The following ACKR2 variants were observed in gnomAD, a reference collection of about 807,000 sequenced individuals.
ACKR2 encodes C-C chemokine receptor D6.
For synonymous variants in ACKR2, 207 were observed against 192.2 expected (o/e 1.08, Z -0.64); for missense variants, 457 against 477.3 (o/e 0.96, Z 0.40).
intron 2 of ACKR2, among the ~76,000 whole-genome samples, chr3:42,842,985 CAAAA>C (rs199716542): frequency 3.3e-4 from 27 of 80,832 alleles, no homozygotes; most frequent in Admixed American, 7.7e-4. Context: ...ACTCTGTCTC[CAAAA>C]AAAAAAAAAA....
intron 2 of ACKR2, chr3:42,841,509 C>T (rs1279134903): frequency 6.6e-6 from 1 of 152,220 alleles, no homozygotes; most frequent in East Asian, 1.9e-4. Context: ...GCCTCTGACT[C>T]CTCTCCCTTT....
At chr3:42,841,522 C>G (rs1274259122) in intron 2 of ACKR2, 1 of 152,190 alleles carries the variant, frequency 6.6e-6, no homozygotes, top group Non-Finnish European at 1.5e-5. Flanking sequence ...CTCCCTTTGC[C>G]CCTGACTATT....
chr3:42,862,234 AAAT>A (rs1352236469), intron 2 of ACKR2, among the ~76,000 whole-genome samples: 50 of 152,368 alleles, frequency 3.3e-4, no homozygotes, highest in African/African-American at 1.2e-3. Context: ...ACAGAGAGCT[AAAT>A]AATGAGTGAA....
chr3:42,827,575 C>T (rs1269881598), intron 2 of ACKR2, among the ~76,000 whole-genome samples: 1 of 152,096 alleles, frequency 6.6e-6, no homozygotes, highest in Non-Finnish European at 1.5e-5. Context: ...CATAAACTAC[C>T]TACAATGGAT....
intron 2 of ACKR2, chr3:42,851,371 C>G (rs923530389): frequency 1.0e-6 from 1 of 985,358 alleles, no homozygotes; most frequent in Non-Finnish European, 1.2e-6. Flanking sequence ...TCTGTCTGCA[C>G]TTCCCTGAGG....
At position 42,864,826 on chromosome 3, in the gene ACKR2, G is replaced by A; in HGVS notation, c.324G>A (p.Trp108Ter). 6.2e-7 allele frequency: 1 copy of A among 1,614,182 alleles called. No individual in the cohort carries two copies. Residue 108 changes from tryptophan (W) to a stop codon, truncating the protein, a stop_gained, in exon 3 of 3, where the codon TGG becomes TGA. Coordinates refer to ENST00000422265, the MANE Select transcript of ACKR2 (RefSeq NM_001296.5). LOFTEE classifies it low-confidence loss of function (END_TRUNC). ...TLPFWGISVA[W>*]HWVFGSFLCK... Reference sequence around the variant, plus strand: ...CCTTCTGGGGCATCTCCGTGGCCTGGCATTGGGTCTTCGGGAGTTTCTTGT... The same window carrying A: ...CCTTCTGGGGCATCTCCGTGGCCTGACATTGGGTCTTCGGGAGTTTCTTGT...
intron 2 of ACKR2, among the ~76,000 whole-genome samples, chr3:42,844,915 C>G (rs1207125169): frequency 6.6e-6 from 1 of 152,182 alleles, no homozygotes; most frequent in African/African-American, 2.4e-5. Flanking sequence ...CGGGCCTCCA[C>G]TTAGACATCA....
intron 2 of ACKR2, among the ~76,000 whole-genome samples, chr3:42,840,567 G>A (rs1701026854): frequency 6.6e-6 from 1 of 152,218 alleles, no homozygotes; most frequent in South Asian, 2.1e-4. Context: ...TGAGGGAACT[G>A]AGGCCTGGGT....
rs1234109595 is a variant in ACKR2, at chr3:42,866,900, A to T, written c.*1243A>T. 2 of 165,424 alleles carry T rather than the reference A, an allele frequency of 1.2e-5. No individual in the cohort carries two copies. Among genetic ancestry groups the T allele is most frequent in the East Asian group, 3.9e-4 (2 of 5,166 alleles). 10.2% of individuals were successfully genotyped at this position (165,424 alleles called of 1,614,324 possible). A position where few individuals can be genotyped will look rare whatever the true frequency, so the allele number is the denominator to read the frequency against. On this transcript the variant is annotated 3_prime_UTR_variant, in exon 3 of 3. Transcript: ENST00000422265. ...TTGATTTTTTTTTTTTTGAGACAGG[A>T]TCTCACTCTGTCATCCAGGCTGAAG...
At position 42,864,925 on chromosome 3, in the gene ACKR2, C is replaced by T; in HGVS notation, c.423C>T (p.Asp141=). The change falls in exon 3 of 3, where the codon GAC becomes GAT. Residue 141 remains aspartate (D), a synonymous_variant. Coordinates refer to ENST00000422265, the MANE Select transcript of ACKR2 (RefSeq NM_001296.5). ...TTTTCATTAGCTGCATGAGCCTGGA[C>T]AAGTACCTGGAGATCGTTCATGCTC... The part of the protein sequence containing the change: ...GIFFISCMSL[D]KYLEIVHAQP... The T allele has an allele frequency of 1.9e-6, 3 of 1,614,142 alleles. No individual in the cohort carries two copies. The highest frequency in any genetic ancestry group is 2.5e-6 in the Non-Finnish European group (3 of 1,180,040).
chr3:42,810,206 T>G (rs1315132326), intron 1 of ACKR2, among the ~76,000 whole-genome samples: 2 of 152,236 alleles, frequency 1.3e-5, no homozygotes, highest in Non-Finnish European at 1.5e-5. Flanking sequence ...CTGTTGGTAA[T>G]GCGATTAAGT....
At chr3:42,820,550 G>A (rs576681736) in intron 2 of ACKR2, among the ~76,000 whole-genome samples, 9 of 145,268 alleles carry the variant, frequency 6.2e-5, no homozygotes, top group African/African-American at 1.0e-4. Flanking sequence ...CCCAGATCAC[G>A]CCACTGCACT....
In ACKR2 at chr3:42,845,502, C is replaced by T. The variant is rs563999022; in HGVS notation, c.-37-18964C>T. The stretch of plus-strand genomic sequence containing the variant: ...TCAGCCTCCTGAACAGCTGGAACTA[C>T]AGGTGCATGGGACCATATCTGGCTA... On this transcript the variant is annotated intron_variant, in intron 2 of 2. Transcript: ENST00000422265. 3.0e-3 allele frequency among the ~76,000 whole-genome samples: 454 copies of T among 152,296 alleles called. 1 individual carries two copies. The highest frequency in any genetic ancestry group is 0.02 in the Middle Eastern group (6 of 294).
intron 2 of ACKR2, among the ~76,000 whole-genome samples, chr3:42,831,916 A>C (rs1257095631): frequency 6.6e-6 from 1 of 152,266 alleles, no homozygotes; most frequent in East Asian, 1.9e-4. Context: ...TCAAGTGAAC[A>C]TAGGGAAATA....
Position 42,865,115 on chromosome 3 carries a change from A to G in ACKR2, c.613A>G (p.Ile205Val), listed in dbSNP as rs777049535. 1.2e-6 allele frequency: 2 copies of G among 1,614,004 alleles called. No homozygotes were observed. The highest frequency in any genetic ancestry group is 1.7e-5 in the Admixed American group (1 of 60,012). ...CHADFGGHGT[I>V]WKLFLRFQQN... ...CGCAGATTTCGGCGGGCATGGGACC[A>G]TTTGGAAGCTCTTCCTCCGCTTCCA... is the stretch of plus-strand genomic sequence containing the variant. Residue 205 changes from isoleucine to valine, a missense_variant, in exon 3 of 3, where the codon ATT becomes GTT. Ile to Val is a conservative substitution (Grantham distance 29, BLOSUM62 3). Coordinates refer to ENST00000422265, the MANE Select transcript of ACKR2 (RefSeq NM_001296.5).
intron 1 of ACKR2, among the ~76,000 whole-genome samples, chr3:42,817,042 C>T (rs924923988): frequency 4.6e-5 from 7 of 152,218 alleles, no homozygotes; most frequent in East Asian, 1.9e-4. Flanking sequence ...ACCTTGAACA[C>T]GTTATTTAGC....
rs2088415341 is a variant in ACKR2, at chr3:42,864,674, G to A, written c.172G>A (p.Val58Met). Reference sequence around the variant, plus strand: ...CCCAGTCTTCTATAGCCTGATTTTTGTGTTGGGCCTCAGCGGGAACCTCCT... The same window carrying A: ...CCCAGTCTTCTATAGCCTGATTTTTATGTTGGGCCTCAGCGGGAACCTCCT... The part of the protein sequence containing the change: ...FLPVFYSLIF[V>M]LGLSGNLLLL... The change falls in exon 3 of 3, where the codon GTG (valine) becomes ATG (methionine). Residue 58 changes from valine to methionine, a missense_variant. Physicochemically the swap from Val to Met is conservative, Grantham distance 21 (BLOSUM62 1). Coordinates refer to ENST00000422265, the MANE Select transcript of ACKR2 (RefSeq NM_001296.5). 1 of 1,614,148 alleles carries A rather than the reference G, an allele frequency of 6.2e-7. No homozygotes were observed. Among genetic ancestry groups the A allele is most frequent in the East Asian group, 2.2e-5 (1 of 44,888 alleles).
chr3:42,860,073 G>T (rs2088364595), intron 2 of ACKR2, among the ~76,000 whole-genome samples: 1 of 144,950 alleles, frequency 6.9e-6, no homozygotes, highest in African/African-American at 2.5e-5. Flanking sequence ...ACCCATCGGT[G>T]TGCTGTATTC....
intron 2 of ACKR2, among the ~76,000 whole-genome samples, chr3:42,845,195 T>C (rs1474253651): frequency 6.6e-6 from 1 of 152,200 alleles, no homozygotes; most frequent in Non-Finnish European, 1.5e-5. Context: ...TGCTGCCTCT[T>C]ACCTTCTCAG....
Sources: gnomAD v4.1 joint callset for allele counts (sites outside exome capture counted in the v4.1 genomes callset) on GRCh38, gnomAD v4.1.1 for gene constraint, MANE v1.5 for transcripts, NCBI Gene and HGNC (gene_info 2026-07-23, HGNC 2026-07-21) for gene names.